The following SH3RF3 variants were observed in gnomAD, a reference collection of about 807,000 sequenced individuals.
SH3RF3 encodes the protein E3 ubiquitin-protein ligase SH3RF3.
Under a neutral mutation model 66.3 loss-of-function variants are expected in SH3RF3, and 29 were observed. The observed-to-expected ratio is 0.44, with a 90% CI of 0.33 to 0.60. The LOEUF is 0.60. Among genes scored for constraint, SH3RF3 ranks in the 20% least tolerant of loss-of-function variants. The probability of loss-of-function intolerance (pLI) is 0.04; values close to 1 mark genes in which losing one functional copy is unlikely to be tolerated. For synonymous variants in SH3RF3, 583 were observed against 532.0 expected (o/e 1.10, Z -1.32); for missense variants, 1,194 against 1,190.9 (o/e 1.00, Z -0.04).
Position 109,449,376 on chromosome 2 carries a change from A to G in SH3RF3, c.2035A>G (p.Asn679Asp). 1 of 1,611,060 alleles carries G rather than the reference A, an allele frequency of 6.2e-7. No individual in the cohort carries two copies. Among genetic ancestry groups the G allele is most frequent in the Non-Finnish European group, 8.5e-7 (1 of 1,178,494 alleles). Reference sequence around the variant, plus strand: ...AGCAGCATCAGCCATCACACCTCCCAACGTCAGTGCCGCAAACCTCAACGG... The same window carrying G: ...AGCAGCATCAGCCATCACACCTCCCGACGTCAGTGCCGCAAACCTCAACGG... ...TSAASAITPP[N>D]VSAANLNGEA... Residue 679 changes from asparagine (N) to aspartate (D), a missense_variant, in exon 8 of 10, where the codon AAC becomes GAC. Transcript: ENST00000309415.
intron 1 of SH3RF3, among the ~76,000 whole-genome samples, chr2:109,241,419 G>GA (rs201603924): frequency 2.0e-5 from 3 of 152,096 alleles, no homozygotes; most frequent in Non-Finnish European, 2.9e-5. Context: ...TGCATTGGGG[G>GA]AAAAAATGGC....
intron 1 of SH3RF3, among the ~76,000 whole-genome samples, chr2:109,185,387 T>G: frequency 6.6e-6 from 1 of 152,218 alleles, no homozygotes; most frequent in East Asian, 1.9e-4. Flanking sequence ...CAGCTGTGCT[T>G]TTTATCACAG....
At chr2:109,469,366 G>A (rs1010126621) in intron 8 of SH3RF3, among the ~76,000 whole-genome samples, 7 of 151,926 alleles carry the variant, frequency 4.6e-5, no homozygotes, top group African/African-American at 7.3e-5. Flanking sequence ...ACTAGCCCCC[G>A]TGCTTTGCTT....
At position 109,168,945 on chromosome 2, in the gene SH3RF3, A is replaced by G. The variant is rs1677692950; in HGVS notation, c.573+38832A>G. ...CAAACCTGATTTCATCATCTTCTCG[A>G]GGGCTCAGTACACATTGAGCTGTCA... On this transcript the variant is annotated intron_variant, in intron 1 of 9. Coordinates refer to ENST00000309415, the MANE Select transcript of SH3RF3 (RefSeq NM_001099289.3). Among the ~76,000 whole-genome samples, 3 of 152,240 alleles carry G rather than the reference A, an allele frequency of 2.0e-5. No individual in the cohort carries two copies. The South Asian group carries it at 6.2e-4, about 32-fold the overall frequency.
At chr2:109,174,677 A>G (rs764296302) in intron 1 of SH3RF3, among the ~76,000 whole-genome samples, 2 of 152,248 alleles carry the variant, frequency 1.3e-5, no homozygotes, top group Non-Finnish European at 2.9e-5. Flanking sequence ...TATTTGGAAG[A>G]TGATATTTTC....
chr2:109,282,965 C>T (rs1024264946), intron 1 of SH3RF3, among the ~76,000 whole-genome samples: 1 of 152,166 alleles, frequency 6.6e-6, no homozygotes, highest in Non-Finnish European at 1.5e-5. Flanking sequence ...TTGTTACTCT[C>T]CCTGGGTCCT....
At chr2:109,412,071 G>A (rs778203272) in intron 4 of SH3RF3, among the ~76,000 whole-genome samples, 6 of 152,198 alleles carry the variant, frequency 3.9e-5, no homozygotes, top group South Asian at 2.1e-4. Context: ...TCCTGACACC[G>A]AGCCCTGTGG....
intron 1 of SH3RF3, among the ~76,000 whole-genome samples, chr2:109,155,831 T>C (rs1254613902): frequency 6.6e-6 from 1 of 152,230 alleles, no homozygotes; most frequent in Admixed American, 6.5e-5. Context: ...AACTAGGTGG[T>C]CAGCCTTCAA....
At chr2:109,338,793 G>C (rs544160024) in intron 1 of SH3RF3, among the ~76,000 whole-genome samples, 1 of 152,230 alleles carries the variant, frequency 6.6e-6, no homozygotes, top group African/African-American at 2.4e-5. Context: ...CTTGACCTCA[G>C]GTGATCCACC....
intron 3 of SH3RF3, among the ~76,000 whole-genome samples, chr2:109,375,100 C>A (rs558032017): frequency 2.6e-5 from 4 of 152,186 alleles, no homozygotes; most frequent in Admixed American, 6.5e-5. Flanking sequence ...TAGAAATAAT[C>A]GTCTCTCCAC....
chr2:109,351,004 G>C (rs925533199), intron 2 of SH3RF3, among the ~76,000 whole-genome samples: 2 of 152,252 alleles, frequency 1.3e-5, no homozygotes, highest in Non-Finnish European at 2.9e-5. Context: ...GAATAGTCCT[G>C]TTAAAGTGGC....
intron 1 of SH3RF3, among the ~76,000 whole-genome samples, chr2:109,292,896 C>T (rs369187321): frequency 7.2e-5 from 11 of 152,262 alleles, no homozygotes; most frequent in African/African-American, 2.6e-4. Context: ...GCATGCCTGG[C>T]TAATTTTGTA....
intron 8 of SH3RF3, among the ~76,000 whole-genome samples, chr2:109,466,138 A>G (rs60618981): frequency 0.013 from 1,645 of 129,066 alleles, 34 homozygotes; most frequent in African/African-American, 0.045. Flanking sequence ...GGAGTGCAGC[A>G]GTGCTATCTC....
At chr2:109,374,609 C>T (rs1045729041) in intron 3 of SH3RF3, among the ~76,000 whole-genome samples, 3 of 152,124 alleles carry the variant, frequency 2.0e-5, no homozygotes, top group African/African-American at 2.4e-5. Context: ...CACAGGCAGC[C>T]GGCACAGTCC....
chr2:109,397,858 C>G (rs759995679), intron 3 of SH3RF3, among the ~76,000 whole-genome samples: 1 of 152,250 alleles, frequency 6.6e-6, no homozygotes, highest in Non-Finnish European at 1.5e-5. Context: ...TAACCACCAC[C>G]CAGGATCAGA....
intron 1 of SH3RF3, among the ~76,000 whole-genome samples, chr2:109,316,943 T>C (rs906977988): frequency 1.3e-5 from 2 of 152,214 alleles, no homozygotes; most frequent in South Asian, 2.1e-4. Context: ...TAGTAATTCA[T>C]GTTTGAGGTT....
At chr2:109,456,296 G>A (rs1678056781) in intron 8 of SH3RF3, among the ~76,000 whole-genome samples, 1 of 152,228 alleles carries the variant, frequency 6.6e-6, no homozygotes, top group Admixed American at 6.5e-5. Context: ...TCCTCTTCCT[G>A]TTCCCCTATT....
chr2:109,185,374 A>C (rs1678162113), intron 1 of SH3RF3, among the ~76,000 whole-genome samples: 1 of 152,252 alleles, frequency 6.6e-6, no homozygotes, highest in Non-Finnish European at 1.5e-5. Context: ...AGAAGAGTGA[A>C]GACAGCTGTG....
At chr2:109,448,513 T>C (rs1195481530) in intron 7 of SH3RF3, among the ~76,000 whole-genome samples, 2 of 152,168 alleles carry the variant, frequency 1.3e-5, no homozygotes, top group African/African-American at 2.4e-5. Flanking sequence ...CATTAGGTTC[T>C]CATAGGAGAG....
Sources: gnomAD v4.1 joint callset for allele counts (sites outside exome capture counted in the v4.1 genomes callset) on GRCh38, gnomAD v4.1.1 for gene constraint, MANE v1.5 for transcripts, NCBI Gene and HGNC (gene_info 2026-07-23, HGNC 2026-07-21) for gene names.